The following MYO10 variants were observed in gnomAD, a reference collection of about 807,000 sequenced individuals.
MYO10 encodes unconventional myosin-X.
MYO10 carries 133 observed loss-of-function variants against 257.3 expected under a neutral mutation model. The ratio of observed to expected loss-of-function variants is 0.52; its 90% confidence interval spans 0.45 to 0.60. MYO10 has a LOEUF of 0.60. Ranked by LOEUF, MYO10 falls within the 20% of genes least tolerant of loss-of-function variation. MYO10 has a pLI of 0.00. For missense variants in MYO10, 2,399 were observed against 2,635.7 expected (o/e 0.91, Z 1.97); for synonymous variants, 1,104 against 1,028.6 (o/e 1.07, Z -1.40).
At chr5:16,935,749 T>G (rs1311022732) in intron 1 of MYO10, 39 bp downstream of exon 1, 1 of 1,613,038 alleles carries the variant, frequency 6.2e-7, no homozygotes, top group Non-Finnish European at 8.5e-7. Context: ...CCTCTCTCCC[T>G]GGGCTCCGGA....
At chr5:16,745,000 C>G (rs1740143877) in intron 19 of MYO10, among the ~76,000 whole-genome samples, 1 of 152,160 alleles carries the variant, frequency 6.6e-6, no homozygotes, top group South Asian at 2.1e-4. Flanking sequence ...AGAAGAAGAG[C>G]AGCGAATGGA....
At chr5:16,682,067 ACCT>A in intron 30 of MYO10, 54 bp from the exon 31 acceptor site, 1 of 1,578,954 alleles carries the variant, frequency 6.3e-7, no homozygotes, top group South Asian at 1.1e-5. Context: ...CGTCAGCATC[ACCT>A]CTGTGTGAAC....
intron 1 of MYO10, among the ~76,000 whole-genome samples, chr5:16,922,210 T>A (rs1483007958): frequency 7.9e-6 from 1 of 126,628 alleles, no homozygotes; most frequent in Non-Finnish European, 1.7e-5. Context: ...CAAGACTCCG[T>A]CTCAAAAAAA....
intron 2 of MYO10, among the ~76,000 whole-genome samples, chr5:16,858,121 G>A (rs981468403): frequency 2.6e-4 from 39 of 152,312 alleles, no homozygotes; most frequent in African/African-American, 8.7e-4. Flanking sequence ...TACCTGCTGT[G>A]AACGCAGTCA....
At chr5:16,700,087 T>A (rs1028410317) in intron 25 of MYO10, among the ~76,000 whole-genome samples, 1 of 152,196 alleles carries the variant, frequency 6.6e-6, no homozygotes, top group African/African-American at 2.4e-5. Flanking sequence ...GAACATTCAA[T>A]GCACGACCAA....
intron 35 of MYO10, among the ~76,000 whole-genome samples, chr5:16,674,205 C>G (rs1736613479): frequency 6.6e-6 from 1 of 152,220 alleles, no homozygotes; most frequent in South Asian, 2.1e-4. Flanking sequence ...CCGTGGCTAA[C>G]GCCTGTAATC....
At chr5:16,912,040 A>G (rs1650509731) in intron 1 of MYO10, among the ~76,000 whole-genome samples, 1 of 151,042 alleles carries the variant, frequency 6.6e-6, no homozygotes, top group African/African-American at 2.5e-5. Flanking sequence ...CGTCTCCAAA[A>G]AAAAAAATTA....
chr5:16,758,102 A>G lies in MYO10; in HGVS notation c.1848+16T>C, dbSNP rs768368908. ...CAGTAACGACGGATTCCTCTAAGCC[A>G]GCAGTGAAAACGAACCTTGAACTGT... On this transcript the variant is annotated intron_variant, in intron 18 of 40. Transcript: ENST00000513610. 6.4e-7 allele frequency: 1 copy of G among 1,555,254 alleles called. No individual in the cohort carries two copies. Among genetic ancestry groups the G allele is most frequent in the South Asian group, 1.1e-5 (1 of 89,896 alleles).
chr5:16,778,808 A>G (rs1211060975), intron 9 of MYO10, among the ~76,000 whole-genome samples: 1 of 147,564 alleles, frequency 6.8e-6, no homozygotes, highest in Non-Finnish European at 1.5e-5. Context: ...CTCCTGCCTC[A>G]GCCTCCCGAG....
Position 16,893,137 on chromosome 5 carries a change from C to A in MYO10, c.22-15430G>T, listed in dbSNP as rs534210966. On this transcript the variant is annotated intron_variant, in intron 1 of 40. Coordinates refer to ENST00000513610, the MANE Select transcript of MYO10 (RefSeq NM_012334.3). Reference sequence around the variant, plus strand: ...GCTTGAACCTGGGAGGCGGAGTTTGCAGTGAGCCGAGATTGCGCCACTGCA... The same window carrying A: ...GCTTGAACCTGGGAGGCGGAGTTTGAAGTGAGCCGAGATTGCGCCACTGCA... 5.3e-5 allele frequency among the ~76,000 whole-genome samples: 7 copies of A among 131,846 alleles called. No individual in the cohort carries two copies. In the East Asian group the frequency reaches 1.6e-3, roughly 31 times the overall value. The allele number at this position is 131,846 out of a possible 152,430, so 86.5% of individuals were successfully genotyped here.
At chr5:16,807,559 T>C (rs1368354118) in intron 3 of MYO10, among the ~76,000 whole-genome samples, 2 of 152,018 alleles carry the variant, frequency 1.3e-5, no homozygotes, top group Non-Finnish European at 2.9e-5. Flanking sequence ...GCTCACTGAG[T>C]TGCACAGAGC....
At chr5:16,803,262 A>G (rs905817209) in intron 3 of MYO10, among the ~76,000 whole-genome samples, 16 of 152,154 alleles carry the variant, frequency 1.1e-4, no homozygotes, top group Middle Eastern at 6.8e-3. Context: ...TGTCTCTACA[A>G]AAAATACATT....
chr5:16,753,580 C>T (rs1428916913), intron 19 of MYO10, among the ~76,000 whole-genome samples: 1 of 149,622 alleles, frequency 6.7e-6, no homozygotes, highest in African/African-American at 2.5e-5. Flanking sequence ...AAGTGATTCT[C>T]GTGCCTCAGC....
chr5:16,808,281 G>C (rs147650213), intron 3 of MYO10, among the ~76,000 whole-genome samples: 1 of 152,148 alleles, frequency 6.6e-6, no homozygotes, highest in East Asian at 1.9e-4. Flanking sequence ...TGAGCAACAC[G>C]ACAAGCCTCC....
intron 33 of MYO10, among the ~76,000 whole-genome samples, chr5:16,677,314 TAAG>T (rs774751789): frequency 2.3e-4 from 35 of 152,266 alleles, no homozygotes; most frequent in Non-Finnish European, 4.1e-4. Context: ...ACTCATTTCT[TAAG>T]AAGCATGGCT....
At chr5:16,759,683 C>A (rs770268900) in intron 17 of MYO10, among the ~76,000 whole-genome samples, 1 of 152,164 alleles carries the variant, frequency 6.6e-6, no homozygotes, top group African/African-American at 2.4e-5. Flanking sequence ...CTTTTCACTA[C>A]GACAAACTGC....
intron 2 of MYO10, among the ~76,000 whole-genome samples, chr5:16,821,029 T>C (rs1742784861): frequency 1.4e-5 from 2 of 147,556 alleles, no homozygotes; most frequent in Admixed American, 1.4e-4. Context: ...TAATATATTA[T>C]GTAAGATGTT....
At chr5:16,804,142 T>C (rs1742201669) in intron 3 of MYO10, among the ~76,000 whole-genome samples, 1 of 152,178 alleles carries the variant, frequency 6.6e-6, no homozygotes, top group South Asian at 2.1e-4. Flanking sequence ...CCCACAGGGC[T>C]CTGTCAGCCT....
rs754898158 is a variant in MYO10 at position 16,818,050 on chromosome 5, T to C, written c.238A>G (p.Met80Val). The C allele has an allele frequency of 1.3e-5, 21 of 1,606,368 alleles. No individual in the cohort carries two copies. The highest frequency in any genetic ancestry group is 1.7e-5 in the Admixed American group (1 of 59,012). Residue 80 changes from methionine (M) to valine (V), a missense_variant, in exon 3 of 41, where the codon ATG (methionine) becomes GTG (valine). Transcript: ENST00000513610. ...TTATACCGCTGGAATAAGTTATACATGATGGAGCCGCCATGGAGCTCTGTC... is the reference window on the plus strand; with the variant it reads ...TTATACCGCTGGAATAAGTTATACACGATGGAGCCGCCATGGAGCTCTGTC... Reference protein sequence around the residue: ...SLTELHGGSIMYNLFQRYKRN... With the variant: ...SLTELHGGSIVYNLFQRYKRN...
Sources: gnomAD v4.1 joint callset for allele counts (sites outside exome capture counted in the v4.1 genomes callset) on GRCh38, gnomAD v4.1.1 for gene constraint, MANE v1.5 for transcripts, NCBI Gene and HGNC (gene_info 2026-07-23, HGNC 2026-07-21) for gene names.